Variants in NAGPA observed in about 807,000 individuals in gnomAD.
The protein encoded by NAGPA is alpha-N-acetylglucosaminyl phosphodiesterase.
NAGPA carries 56 observed loss-of-function variants against 48.5 expected under a neutral mutation model. The observed-to-expected ratio is 1.15, with a 90% CI of 0.93 to 1.44. The LOEUF (loss-of-function observed/expected upper bound fraction) is 1.44. Ranked by LOEUF, NAGPA falls within the 40% of genes most tolerant of loss-of-function variation. The probability of loss-of-function intolerance (pLI) is 0.00; values close to 1 mark genes in which losing one functional copy is unlikely to be tolerated. For missense variants in NAGPA, 888 were observed against 735.0 expected (o/e 1.21, Z -2.41); for synonymous variants, 399 against 315.5 (o/e 1.26, Z -2.81).
chr16:5,026,278 G>C (rs1159203510), intron 9 of NAGPA, among the ~76,000 whole-genome samples: 2 of 150,018 alleles, frequency 1.3e-5, no homozygotes, highest in Admixed American at 6.7e-5. Flanking sequence ...TGGGCGTGGT[G>C]CTCATGCCTG....
In NAGPA at chr16:5,033,120, A is replaced by G; in HGVS notation, c.542+153T>C. On this transcript the variant is annotated intron_variant, in intron 2 of 9. Transcript: ENST00000312251. The surrounding 1 kb of genome is among the most constrained non-coding windows in gnomAD (Gnocchi z 4.2). ...AAGTGCTCAATGATACTGGATGATG[A>G]ATAAACTCTGCAAGGAAGCGATTCC... 2 of 899,882 alleles carry G rather than the reference A, an allele frequency of 2.2e-6. No individual in the cohort carries two copies. Among genetic ancestry groups the G allele is most frequent in the Non-Finnish European group, 3.4e-6 (2 of 586,638 alleles). 55.7% of individuals were successfully genotyped at this position (899,882 alleles called of 1,614,324 possible).
At position 5,027,802 on chromosome 16, in the gene NAGPA, G is replaced by A. The variant is rs1406840556; in HGVS notation, c.1174+44C>T. 3.9e-5 allele frequency: 60 copies of A among 1,550,428 alleles called. No individual in the cohort carries two copies. The East Asian group carries it at 1.4e-3, about 37-fold the overall frequency. On this transcript the variant is annotated intron_variant, in intron 7 of 9. Coordinates refer to ENST00000312251, the MANE Select transcript of NAGPA (RefSeq NM_016256.4). ...AGCAGAGGAGCAGTGGGGGCTGCCGGGGGCCACCGTCTCCCCATCCGCTAG... is the reference window on the plus strand; with the variant it reads ...AGCAGAGGAGCAGTGGGGGCTGCCGAGGGCCACCGTCTCCCCATCCGCTAG...
chr16:5,031,400 GA>G, intron 3 of NAGPA: 1 of 346,690 alleles, frequency 2.9e-6, no homozygotes, highest in Non-Finnish European at 5.6e-6. Context: ...GTGGGGCTTT[GA>G]AACAAGCTCC....
chr16:5,027,061 C>T (rs1956013856), intron 9 of NAGPA, 74 bp downstream of exon 9: 2 of 1,560,694 alleles, frequency 1.3e-6, no homozygotes, highest in Middle Eastern at 2.0e-4. Context: ...CAGAGATGGA[C>T]CTCACAGGGG....
chr16:5,029,187 C>T (rs1956059505), intron 4 of NAGPA, 179 bp from the exon 5 acceptor site: 10 of 997,748 alleles, frequency 1.0e-5, no homozygotes. Flanking sequence ...AGATCACACC[C>T]ATGCCTGTGC....
Position 5,027,133 on chromosome 16 carries a change from ACC to A in NAGPA, c.1340_1340+1del. On this transcript the variant is annotated splice_donor_variant and coding_sequence_variant, in exon 9 of 10. Coordinates refer to ENST00000312251, the MANE Select transcript of NAGPA (RefSeq NM_016256.4). LOFTEE classifies it high-confidence loss of function. ...GGCCCCAGCTCCCACAGAAGCACCT[ACC>A]TGGTGAAAAAGGAGAGTTCTCCCGC... 1 of 1,614,102 alleles carries A rather than the reference ACC, an allele frequency of 6.2e-7. No homozygotes were observed. The highest frequency in any genetic ancestry group is 8.5e-7 in the Non-Finnish European group (1 of 1,180,008).
intron 3 of NAGPA, 61 bp downstream of exon 3, chr16:5,031,684 C>T (rs1241686503): frequency 9.3e-6 from 15 of 1,609,856 alleles, no homozygotes; most frequent in Non-Finnish European, 8.5e-7. Context: ...AAGAACAGCT[C>T]CGCCCAGCCC....
rs112945052 is a variant in NAGPA, at chr16:5,028,131, G to A, written c.975C>T (p.His325=). 42 of 1,599,768 alleles carry A rather than the reference G, an allele frequency of 2.6e-5. No individual in the cohort carries two copies. In the South Asian group the frequency reaches 3.1e-4, roughly 12 times the overall value. The change falls in exon 6 of 10, where the codon CAC becomes CAT. Residue 325 remains histidine, a synonymous_variant. Coordinates refer to ENST00000312251, the MANE Select transcript of NAGPA (RefSeq NM_016256.4). The part of the protein sequence containing the change: ...PRQVSTVVCV[H]EPRCQPPDCH... ...AGTCAGGCGGCTGGCAGCGGGGTTC[G>A]TGCACACACACCACGGTGGACACTT...
At position 5,031,576 on chromosome 16, in the gene NAGPA, T is replaced by G. The variant is rs774634126; in HGVS notation, c.682+169A>C. On this transcript the variant is annotated intron_variant, in intron 3 of 9. Coordinates refer to ENST00000312251, the MANE Select transcript of NAGPA (RefSeq NM_016256.4). ...CATATTCTATAACTATTTTTTGTCCTATATATTCAATATAAGCCTATCTTC... is the reference window on the plus strand; with the variant it reads ...CATATTCTATAACTATTTTTTGTCCGATATATTCAATATAAGCCTATCTTC... 5 of 870,558 alleles carry G rather than the reference T, an allele frequency of 5.7e-6. No homozygotes were observed. The African/African-American group carries it at 8.3e-5, about 14-fold the overall frequency. 53.9% of individuals were successfully genotyped at this position (870,558 alleles called of 1,614,324 possible).
At position 5,025,492 on chromosome 16, in the gene NAGPA, G is replaced by C. The variant is rs774734976; in HGVS notation, c.1534C>G (p.Pro512Ala). ...EKEQPGGAHN[P>A]FKD ...AGCTTGAGGCTTCAGTCCTTGAAGG[G>C]GTTGTGGGCGCCCCCTGGCTGCTCC... Residue 512 changes from proline to alanine, a missense_variant, in exon 10 of 10, where the codon CCC (proline) becomes GCC (alanine). Transcript: ENST00000312251. 7.4e-6 allele frequency: 12 copies of C among 1,612,108 alleles called. No individual in the cohort carries two copies. The highest frequency in any genetic ancestry group is 6.7e-5 in the Admixed American group (4 of 60,008).
intron 6 of NAGPA, 42 bp downstream of exon 6, chr16:5,027,938 G>C (rs777972455): frequency 1.2e-6 from 2 of 1,613,410 alleles, no homozygotes; most frequent in Admixed American, 1.7e-5. Context: ...CCTAGGGCAA[G>C]GCAGGGCTGG....
At chr16:5,028,699 C>G in intron 5 of NAGPA, 181 bp downstream of exon 5, 1 of 909,106 alleles carries the variant, frequency 1.1e-6, no homozygotes, top group South Asian at 1.4e-5. Flanking sequence ...TCTTTGCTGA[C>G]CAACTGACCC....
In NAGPA at chr16:5,027,864, C is replaced by G. The variant is rs111884194; in HGVS notation, c.1156G>C (p.Gly386Arg). ...TGCRCDAGWT[G>R]SNCSEECPLG... ...CTCCTACCTTCACTGCAGTTGGACC[C>G]GGTCCATCCGGCATCACAGCGGCAG... Residue 386 changes from glycine to arginine, a missense_variant, in exon 7 of 10, where the codon GGG becomes CGG. By Grantham distance (125) the Gly-to-Arg change is moderately radical (BLOSUM62 -2). Transcript: ENST00000312251. 2 of 1,569,912 alleles carry G rather than the reference C, an allele frequency of 1.3e-6. No individual in the cohort carries two copies. Among genetic ancestry groups the G allele is most frequent in the East Asian group, 2.4e-5 (1 of 42,026 alleles).
chr16:5,031,935 A>C, intron 2 of NAGPA, 51 bp from the exon 3 acceptor site: 2 of 1,612,866 alleles, frequency 1.2e-6, no homozygotes, highest in South Asian at 2.2e-5. Flanking sequence ...GCAACTGCAG[A>C]TAGTCAGGCT....
chr16:5,030,310 G>A, intron 4 of NAGPA, 75 bp downstream of exon 4: 1 of 1,341,484 alleles, frequency 7.5e-7, no homozygotes, highest in Non-Finnish European at 1.0e-6. Flanking sequence ...GAGTCAGAGG[G>A]TGGCTGTCAT....
At chr16:5,027,483 T>A in intron 7 of NAGPA, 104 bp from the exon 8 acceptor site, 2 of 1,249,358 alleles carry the variant, frequency 1.6e-6, no homozygotes, top group Non-Finnish European at 2.3e-6. Flanking sequence ...TGCCCATGTG[T>A]ACAGAGCCGG....
chr16:5,027,512 C>T, intron 7 of NAGPA, 133 bp from the exon 8 acceptor site: 1 of 930,676 alleles, frequency 1.1e-6, no homozygotes, highest in Non-Finnish European at 1.7e-6. Context: ...TGAAGCACCC[C>T]CTGCCCTCCC....
intron 4 of NAGPA, 125 bp downstream of exon 4, chr16:5,030,260 A>AG (rs1161676453): frequency 1.5e-5 from 13 of 861,316 alleles, no homozygotes; most frequent in Non-Finnish European, 2.1e-5. Context: ...GGGCCCTGGG[A>AG]GGGGGGACAG....
In NAGPA at chr16:5,030,454, G is replaced by T. The variant is rs369118431; in HGVS notation, c.722C>A (p.Thr241Lys). The change falls in exon 4 of 10, where the codon ACG becomes AAG. Residue 241 changes from threonine to lysine, a missense_variant. Thr to Lys is a moderately conservative substitution (Grantham distance 78, BLOSUM62 -1). Coordinates refer to ENST00000312251, the MANE Select transcript of NAGPA (RefSeq NM_016256.4). ...SKFVNVISARTAIGHDRKGQL... is the reference protein window; with the variant it reads ...SKFVNVISARKAIGHDRKGQL... ...CCCTTTCCGGTCGTGGCCAATGGCC[G>T]TCCTGGCTGATATCACATTCACAAA... is the stretch of plus-strand genomic sequence containing the variant. The T allele has an allele frequency of 6.4e-7, 1 of 1,554,688 alleles. No homozygotes were observed. Among genetic ancestry groups the T allele is most frequent in the Non-Finnish European group, 8.7e-7 (1 of 1,148,396 alleles).
Sources: allele counts gnomAD v4.1 joint callset (sites outside exome capture counted in the v4.1 genomes callset), GRCh38; gene constraint gnomAD v4.1.1; non-coding constraint Gnocchi (gnomAD v3.1); transcripts MANE v1.5; gene names NCBI Gene and HGNC (gene_info 2026-07-23, HGNC 2026-07-21).